The following XG variants were observed in gnomAD, a reference collection of about 807,000 sequenced individuals.
XG encodes Xg glycoprotein (Xg blood group), also known as glycoprotein Xg.
Under a neutral mutation model 25.7 loss-of-function variants are expected in XG, and 24 were observed. That is an observed-to-expected ratio of 0.93 (90% CI 0.68 to 1.31). The LOEUF is 1.31. Among genes scored for constraint, XG ranks in the 40% most tolerant of loss-of-function variants. The pLI, the probability that XG is intolerant of heterozygous loss-of-function variation, is 0.00. For synonymous variants in XG, 77 were observed against 69.2 expected (o/e 1.11, Z -0.56); for missense variants, 181 against 187.6 (o/e 0.96, Z 0.21).
intron 3 of XG, among the ~76,000 whole-genome samples, chrX:2,778,960 C>T (rs1214531396): frequency 6.6e-6 from 1 of 151,968 alleles, no homozygotes; most frequent in Admixed American, 6.6e-5. Flanking sequence ...GACGGGGTTT[C>T]ACCAAGTTGG....
intron 3 of XG, among the ~76,000 whole-genome samples, chrX:2,777,549 C>A (rs747746065): frequency 1.3e-5 from 2 of 151,868 alleles, no homozygotes; most frequent in African/African-American, 4.8e-5. Context: ...GCTGAGATTG[C>A]GCCACTGCAC....
chrX:2,755,881 T>C (rs311113), intron 1 of XG, among the ~76,000 whole-genome samples: 87,569 of 151,202 alleles, frequency 0.58, 25,691 homozygotes, highest in African/African-American at 0.65. Context: ...ATGATTGCTA[T>C]GAAGTACTTA....
chrX:2,794,392 G>T, intron 5 of XG, 143 bp from the exon 6 acceptor site: 1 of 613,294 alleles, frequency 1.6e-6, no homozygotes, highest in Non-Finnish European at 2.4e-6. Context: ...TTAATTCCTG[G>T]TGCCTGTGGG....
intron 9 of XG, among the ~76,000 whole-genome samples, chrX:2,809,456 G>A (rs1373817338): frequency 8.9e-6 from 1 of 111,893 alleles, no homozygotes; most frequent in African/African-American, 3.3e-5. Context: ...TAAAGCCTGG[G>A]CAAAGGAGGC....
chrX:2,776,628 A>G (rs1404820255), intron 3 of XG, among the ~76,000 whole-genome samples: 1 of 152,054 alleles, frequency 6.6e-6, no homozygotes, highest in Non-Finnish European at 1.5e-5. Context: ...GAGAGTCTAA[A>G]AACAGGTTAG....
At chrX:2,753,628 G>A (rs2050377080) in intron 1 of XG, among the ~76,000 whole-genome samples, 1 of 151,368 alleles carries the variant, frequency 6.6e-6, no homozygotes, top group Non-Finnish European at 1.5e-5. Flanking sequence ...TGTTGCCCAG[G>A]CTGGAGTGCA....
chrX:2,756,438 G>A (rs184015984), intron 1 of XG, among the ~76,000 whole-genome samples: 5 of 152,308 alleles, frequency 3.3e-5, no homozygotes, highest in African/African-American at 1.2e-4. Flanking sequence ...CTTCAAAATA[G>A]AAGAGTCGGA....
chrX:2,753,577 ACTTTT>A (rs1158943927), intron 1 of XG, among the ~76,000 whole-genome samples: 1 of 151,198 alleles, frequency 6.6e-6, no homozygotes, highest in East Asian at 1.9e-4. Context: ...TACCCATACA[ACTTTT>A]CTTTTTTTTT....
intron 2 of XG, 126 bp downstream of exon 2, chrX:2,770,717 C>A: frequency 8.7e-7 from 1 of 1,151,788 alleles, no homozygotes; most frequent in Non-Finnish European, 1.3e-6. Context: ...GATCTCTGTT[C>A]TTTGCAGGAG....
chrX:2,782,648 G>A (rs2086742014), intron 4 of XG, among the ~76,000 whole-genome samples: 1 of 111,046 alleles, frequency 9.0e-6, no homozygotes, highest in South Asian at 3.9e-4. Context: ...TGGCGGACCT[G>A]GTTGAGCCAG....
At chrX:2,784,474 G>A (rs2086764777) in intron 4 of XG, among the ~76,000 whole-genome samples, 1 of 108,622 alleles carries the variant, frequency 9.2e-6, no homozygotes, top group Non-Finnish European at 1.9e-5. Flanking sequence ...AGAGGCTGAG[G>A]CATAAGAATC....
At chrX:2,774,568 A>G (rs749294617) in intron 2 of XG, 148 bp from the exon 3 acceptor site, 2 of 888,208 alleles carry the variant, frequency 2.3e-6, no homozygotes, top group East Asian at 2.5e-5. Context: ...TTTTTTCTCA[A>G]TTCAACATGG....
chrX:2,767,985 T>C (rs1366273966), intron 1 of XG, among the ~76,000 whole-genome samples: 3 of 152,078 alleles, frequency 2.0e-5, no homozygotes, highest in African/African-American at 7.2e-5. Context: ...TCCTGTCATC[T>C]CTCAGGGTCA....
chrX:2,793,504 T>C (rs2086855771), intron 5 of XG, among the ~76,000 whole-genome samples: 1 of 112,056 alleles, frequency 8.9e-6, no homozygotes, highest in Admixed American at 9.5e-5. Flanking sequence ...AAATGAGGCT[T>C]GCAAAGCAGC....
chrX:2,807,430 GCACA>G (rs755021631), intron 8 of XG, among the ~76,000 whole-genome samples: 1,273 of 111,414 alleles, frequency 0.011, 8 homozygotes, highest in Middle Eastern at 0.02. Flanking sequence ...GTACAGGCAT[GCACA>G]CACACACATG....
intron 3 of XG, among the ~76,000 whole-genome samples, chrX:2,781,084 C>G (rs927216231): frequency 2.0e-4 from 31 of 151,966 alleles, no homozygotes; most frequent in African/African-American, 6.5e-4. Context: ...GTCTCACTAA[C>G]ACAGGCCCCC....
rs774836680 is a variant in XG, at chrX:2,782,138, C to A, written c.190+10C>A. On this transcript the variant is annotated intron_variant, in intron 4 of 10. Coordinates refer to ENST00000644266, the MANE Select transcript of XG (RefSeq NM_001141919.2). Reference sequence around the variant, plus strand: ...CCCGACAGCGGTGGAAGTAAGAATCCGCAGGCCTGAAACTCTTTCTCAATC... The same window carrying A: ...CCCGACAGCGGTGGAAGTAAGAATCAGCAGGCCTGAAACTCTTTCTCAATC... 3 of 1,210,646 alleles carry A rather than the reference C, an allele frequency of 2.5e-6. No homozygotes were observed. The highest frequency in any genetic ancestry group is 1.1e-6 in the Non-Finnish European group (1 of 894,391).
chrX:2,814,502 C>A lies in XG; in HGVS notation c.*122C>A. 1.1e-6 allele frequency: 1 copy of A among 897,826 alleles called. No individual in the cohort carries two copies. The highest frequency in any genetic ancestry group is 1.5e-6 in the Non-Finnish European group (1 of 653,230). The allele number at this position is 897,826 out of a possible 1,213,427, so 74.0% of individuals were successfully genotyped here. On this transcript the variant is annotated 3_prime_UTR_variant, in exon 11 of 11. Transcript: ENST00000644266. ...TTGATGACCTAAAGTGTGTTTTCTTCTGTGTAAAGTACATGAGCTGCCTCA... is the reference window on the plus strand; with the variant it reads ...TTGATGACCTAAAGTGTGTTTTCTTATGTGTAAAGTACATGAGCTGCCTCA...
chrX:2,795,034 A>G (rs1421895524), intron 6 of XG, among the ~76,000 whole-genome samples: 1 of 110,410 alleles, frequency 9.1e-6, no homozygotes, highest in Non-Finnish European at 1.9e-5. Flanking sequence ...AAATGCATCT[A>G]CATATGTAGG....
Sources: allele counts gnomAD v4.1 joint callset (sites outside exome capture counted in the v4.1 genomes callset), GRCh38; gene constraint gnomAD v4.1.1; transcripts MANE v1.5; gene names NCBI Gene and HGNC (gene_info 2026-07-23, HGNC 2026-07-21).